Variants in CDH12 observed in about 807,000 individuals in gnomAD.
CDH12 encodes cadherin-12.
In CDH12, 41 loss-of-function variants were observed where a neutral mutation model predicts 74.1. The ratio of observed to expected loss-of-function variants is 0.55; its 90% CI spans 0.43 to 0.72. CDH12 has a LOEUF of 0.72. Among genes scored for constraint, CDH12 ranks in the 30% least tolerant of loss-of-function variants. The pLI is 0.00. For missense variants in CDH12, 945 were observed against 977.2 expected (o/e 0.97, Z 0.44); for synonymous variants, 399 against 355.0 (o/e 1.12, Z -1.39).
chr5:21,842,079 T>C, intron 8 of CDH12, 82 bp downstream of exon 8: 2 of 1,021,628 alleles, frequency 2.0e-6, no homozygotes, highest in Non-Finnish European at 2.9e-6. Flanking sequence ...TGGAAAATGA[T>C]TGTCATTCCC....
intron 6 of CDH12, among the ~76,000 whole-genome samples, chr5:21,886,983 T>C (rs972603655): frequency 1.4e-4 from 21 of 152,160 alleles, no homozygotes; most frequent in African/African-American, 5.1e-4. Context: ...TAGTGTGCCA[T>C]GCAGATTTTC....
intron 1 of CDH12, among the ~76,000 whole-genome samples, chr5:22,558,292 C>A (rs1051639035): frequency 1.9e-4 from 29 of 152,050 alleles, no homozygotes; most frequent in African/African-American, 6.5e-4. Context: ...ATGTTAAGAA[C>A]TGCCTCGACT....
chr5:22,101,939 A>T (rs1423292871), intron 4 of CDH12, among the ~76,000 whole-genome samples: 3 of 152,168 alleles, frequency 2.0e-5, no homozygotes, highest in African/African-American at 4.8e-5. Context: ...GTCATAACCA[A>T]TATGTAACCA....
chr5:22,058,052 C>T (rs1740874958), intron 5 of CDH12, among the ~76,000 whole-genome samples: 1 of 149,100 alleles, frequency 6.7e-6, no homozygotes, highest in African/African-American at 2.5e-5. Context: ...TATCATCTAT[C>T]TTTTATTTAT....
chr5:21,835,343 T>C (rs1749469762), intron 8 of CDH12, among the ~76,000 whole-genome samples: 1 of 151,532 alleles, frequency 6.6e-6, no homozygotes, highest in South Asian at 2.1e-4. Flanking sequence ...GCTCAGACTG[T>C]ATATATATGT....
chr5:22,182,533 C>T (rs758843892), intron 4 of CDH12, among the ~76,000 whole-genome samples: 3 of 152,126 alleles, frequency 2.0e-5, no homozygotes, highest in Non-Finnish European at 4.4e-5. Flanking sequence ...ATTGAGGTAA[C>T]TATGCAGGGT....
At chr5:22,651,214 C>T (rs1016664244) in intron 1 of CDH12, among the ~76,000 whole-genome samples, 1 of 151,984 alleles carries the variant, frequency 6.6e-6, no homozygotes, top group Non-Finnish European at 1.5e-5. Context: ...TGCAAACTAC[C>T]TCTTCCCTCC....
chr5:22,360,276 A>G (rs1415955744), intron 3 of CDH12, among the ~76,000 whole-genome samples: 1 of 152,210 alleles, frequency 6.6e-6, no homozygotes, highest in Non-Finnish European at 1.5e-5. Flanking sequence ...AGAAATACAA[A>G]GTACCATCAG....
chr5:21,762,873 G>C (rs1744802311), intron 12 of CDH12, among the ~76,000 whole-genome samples: 1 of 86,396 alleles, frequency 1.2e-5, no homozygotes, highest in Admixed American at 1.3e-4. Flanking sequence ...TAAAGAACTG[G>C]CTTTTTTTTT....
chr5:22,060,822 G>A (rs1253278245), intron 5 of CDH12, among the ~76,000 whole-genome samples: 1 of 152,100 alleles, frequency 6.6e-6, no homozygotes, highest in African/African-American at 2.4e-5. Flanking sequence ...CAGTAAAATA[G>A]AGAAAATGTC....
At chr5:22,847,086 A>G (rs1447770906) in intron 1 of CDH12, among the ~76,000 whole-genome samples, 1 of 152,080 alleles carries the variant, frequency 6.6e-6, no homozygotes, top group Non-Finnish European at 1.5e-5. Flanking sequence ...TTCTTGTAGG[A>G]TCTTATATTG....
At chr5:22,585,499 CCCT>C (rs1057327713) in intron 1 of CDH12, among the ~76,000 whole-genome samples, 85 of 152,246 alleles carry the variant, frequency 5.6e-4, no homozygotes, top group African/African-American at 1.9e-3. Context: ...CCTTATTCTT[CCCT>C]CCTCTTATCT....
chr5:22,278,653 TTA>T (rs1242186178), intron 3 of CDH12, among the ~76,000 whole-genome samples: 1 of 152,160 alleles, frequency 6.6e-6, no homozygotes, highest in African/African-American at 2.4e-5. Flanking sequence ...GATATACATA[TTA>T]ATTATTACCC....
intron 10 of CDH12, among the ~76,000 whole-genome samples, chr5:21,783,852 G>A (rs1231793822): frequency 6.6e-6 from 1 of 152,014 alleles, no homozygotes; most frequent in Admixed American, 6.6e-5. Context: ...GTGTAAATGG[G>A]GTTGAGAGAA....
intron 3 of CDH12, among the ~76,000 whole-genome samples, chr5:22,242,249 A>G (rs1752777298): frequency 6.6e-6 from 1 of 152,178 alleles, no homozygotes; most frequent in African/African-American, 2.4e-5. Context: ...TCAAGCTTTT[A>G]CTAAGATATT....
In CDH12 at chr5:22,545,926, TTTG is replaced by T. The variant is rs57476797; in HGVS notation, c.-522-40565_-522-40563del. Among the ~76,000 whole-genome samples, 1,165 of 151,328 alleles carry T rather than the reference TTTG, an allele frequency of 7.7e-3. 6 individuals carry two copies. Among genetic ancestry groups the T allele is most frequent in the Admixed American group, 0.01 (157 of 15,084 alleles). ...TAATGTCACTTAAACTGTCTAGATT[TTTG>T]TTGTTGTTGTTGTTGTTGTTGTTGT... On this transcript the variant is annotated intron_variant, in intron 1 of 14. Transcript: ENST00000382254.
At chr5:22,723,160 C>T (rs931721090) in intron 1 of CDH12, among the ~76,000 whole-genome samples, 2 of 152,104 alleles carry the variant, frequency 1.3e-5, no homozygotes, top group Non-Finnish European at 2.9e-5. Flanking sequence ...TTTCTTCTTA[C>T]AAATGCAAGG....
chr5:21,918,867 T>C (rs561949093), intron 6 of CDH12, among the ~76,000 whole-genome samples: 2 of 152,212 alleles, frequency 1.3e-5, no homozygotes, highest in East Asian at 1.9e-4. Flanking sequence ...TAAAATTGTA[T>C]AAATTTAATT....
chr5:21,928,262 G>A (rs1754682254), intron 6 of CDH12, among the ~76,000 whole-genome samples: 1 of 152,018 alleles, frequency 6.6e-6, no homozygotes, highest in Admixed American at 6.6e-5. Context: ...ATTTTGAAAG[G>A]CTTTAGTGAG....
Sources: gnomAD v4.1 joint callset for allele counts (sites outside exome capture counted in the v4.1 genomes callset) on GRCh38, gnomAD v4.1.1 for gene constraint, MANE v1.5 for transcripts, NCBI Gene and HGNC (gene_info 2026-07-23, HGNC 2026-07-21) for gene names.